NWD2: variants seen among roughly 807,000 people sequenced by gnomAD.
NWD2 encodes the protein NACHT and WD repeat domain containing 2, also known as NACHT and WD repeat domain-containing protein 2.
NWD2 carries 37 observed loss-of-function variants against 132.7 expected under a neutral mutation model. The ratio of observed to expected loss-of-function variants is 0.28; its 90% CI spans 0.21 to 0.37. NWD2 has a LOEUF of 0.37. Among genes scored for constraint, NWD2 ranks in the 10% least tolerant of loss-of-function variants. The probability of loss-of-function intolerance (pLI) is 1.00; values close to 1 mark genes in which losing one functional copy is unlikely to be tolerated. For missense variants in NWD2, 1,592 were observed against 2,122.4 expected, an observed-to-expected ratio of 0.75 and a Z score of 4.91; for synonymous variants, 705 against 803.0, an observed-to-expected ratio of 0.88 and a Z score of 2.06.
Position 37,415,034 on chromosome 4 carries a change from A to G in NWD2, c.358-15538A>G, listed in dbSNP as rs909608148. On this transcript the variant is annotated intron_variant, in intron 3 of 6. Transcript: ENST00000309447. ...ATTAATAAAAGTTAAACTACATTCA[A>G]TGTCCTTTATTTAAGACATATATTG... Among the ~76,000 whole-genome samples the G allele has an allele frequency of 3.3e-5, 5 of 152,204 alleles. 1 individual carries two copies. Among genetic ancestry groups the G allele is most frequent in the Admixed American group, 2.0e-4 (3 of 15,282 alleles).
At chr4:37,365,335 G>A (rs904149036) in intron 3 of NWD2, among the ~76,000 whole-genome samples, 1 of 152,108 alleles carries the variant, frequency 6.6e-6, no homozygotes, top group South Asian at 2.1e-4. Flanking sequence ...TTAAAGTGCA[G>A]GGGGGTTTGT....
chr4:37,342,860 C>T (rs1719555627), intron 2 of NWD2, among the ~76,000 whole-genome samples: 1 of 152,214 alleles, frequency 6.6e-6, no homozygotes, highest in Non-Finnish European at 1.5e-5. Context: ...CTCCTTCTTT[C>T]TAGTGATCGT....
chr4:37,366,080 T>G (rs2109303946), intron 3 of NWD2, among the ~76,000 whole-genome samples: 1 of 152,308 alleles, frequency 6.6e-6, no homozygotes, highest in South Asian at 2.1e-4. Flanking sequence ...CTTGGTAAGC[T>G]GGCTTTACAG....
chr4:37,445,916 T>C lies in NWD2; in HGVS notation c.3928T>C (p.Ser1310Pro). The change falls in exon 7 of 7, where the codon TCC becomes CCC. Residue 1310 changes from serine (S) to proline (P), a missense_variant. Ser to Pro is a moderately conservative substitution (Grantham distance 74, BLOSUM62 -1). Coordinates refer to ENST00000309447, the MANE Select transcript of NWD2 (RefSeq NM_001144990.2). This position sits in a 1 kb window ranked among gnomAD's most constrained non-coding sequence, Gnocchi z 4.7. ...GGACATAGATATAATCACAGCTATG[T>C]CCAACATAGATAAGACTGGAAAACC... ...IWDIDIITAM[S>P]NIDKTGKPIQ... 6.4e-7 allele frequency: 1 copy of C among 1,551,816 alleles called. No homozygotes were observed. Among genetic ancestry groups the C allele is most frequent in the Non-Finnish European group, 8.7e-7 (1 of 1,147,022 alleles).
intron 1 of NWD2, among the ~76,000 whole-genome samples, chr4:37,285,914 T>C (rs561073898): frequency 6.6e-6 from 1 of 152,320 alleles, no homozygotes; most frequent in South Asian, 2.1e-4. Flanking sequence ...AGAATTTCAG[T>C]CTGATTTTTG....
Position 37,444,971 on chromosome 4 carries a change from G to A in NWD2, c.2983G>A (p.Asp995Asn). 1 of 1,552,082 alleles carries A rather than the reference G, an allele frequency of 6.4e-7. No individual in the cohort carries two copies. The highest frequency in any genetic ancestry group is 8.7e-7 in the Non-Finnish European group (1 of 1,147,084). Reference protein sequence around the residue: ...ALENGSISTWDVETRQLLRQI... With the variant: ...ALENGSISTWNVETRQLLRQI... ...AGAAAATGGTTCCATCAGCACCTGG[G>A]ATGTAGAGACTCGACAGCTACTCAG... is the stretch of plus-strand genomic sequence containing the variant. The change falls in exon 7 of 7, where the codon GAT becomes AAT. Residue 995 changes from aspartate (D) to asparagine (N), a missense_variant. Asp to Asn is a conservative substitution (Grantham distance 23). Around this residue, in one of 7 missense-constraint regions of NWD2, gnomAD observed 1,071 missense variants for 1,398.0 expected, o/e 0.77. Coordinates refer to ENST00000309447, the MANE Select transcript of NWD2 (RefSeq NM_001144990.2). The surrounding 1 kb of genome is among the most constrained non-coding windows in gnomAD (Gnocchi z 4.8).
At chr4:37,353,290 T>G (rs1056899555) in intron 2 of NWD2, among the ~76,000 whole-genome samples, 2 of 152,204 alleles carry the variant, frequency 1.3e-5, no homozygotes, top group African/African-American at 4.8e-5. Flanking sequence ...TTTCCTTCAT[T>G]TCAACCTTGG....
At chr4:37,288,470 A>C (rs1344925010) in intron 1 of NWD2, among the ~76,000 whole-genome samples, 1 of 152,230 alleles carries the variant, frequency 6.6e-6, no homozygotes, top group African/African-American at 2.4e-5. Flanking sequence ...TGAATACAGC[A>C]AGAGGGAGAA....
intron 3 of NWD2, among the ~76,000 whole-genome samples, chr4:37,412,195 G>T (rs1230342921): frequency 6.6e-6 from 1 of 152,156 alleles, no homozygotes; most frequent in Non-Finnish European, 1.5e-5. Flanking sequence ...AAGTCAAATT[G>T]TCTCTGTTTG....
intron 2 of NWD2, among the ~76,000 whole-genome samples, chr4:37,349,971 T>C (rs1183906363): frequency 6.6e-6 from 1 of 152,108 alleles, no homozygotes; most frequent in Non-Finnish European, 1.5e-5. Context: ...GTTTTTGTCA[T>C]GTTTGTCAAA....
chr4:37,256,484 A>G (rs1717521471), intron 1 of NWD2, among the ~76,000 whole-genome samples: 1 of 152,204 alleles, frequency 6.6e-6, no homozygotes, highest in Non-Finnish European at 1.5e-5. Context: ...TGCTAAGCAA[A>G]GAGTAGCTTC....
At chr4:37,329,065 C>A (rs1423288233) in intron 2 of NWD2, among the ~76,000 whole-genome samples, 2 of 152,056 alleles carry the variant, frequency 1.3e-5, no homozygotes, top group East Asian at 3.9e-4. Context: ...GAATGAAGAC[C>A]CAGCCCAGAT....
At chr4:37,371,075 T>TTC (rs1553896083) in intron 3 of NWD2, among the ~76,000 whole-genome samples, 10 of 100,676 alleles carry the variant, frequency 9.9e-5, no homozygotes, top group Non-Finnish European at 1.7e-4. Flanking sequence ...TTTTTTTCTT[T>TTC]TTCTTTTTTT....
intron 1 of NWD2, among the ~76,000 whole-genome samples, chr4:37,274,896 A>T (rs1717972513): frequency 2.5e-5 from 1 of 39,866 alleles, no homozygotes; most frequent in South Asian, 4.6e-4. Context: ...TCATGCTAAA[A>T]ACTCAATAAA....
Position 37,413,710 on chromosome 4 carries a change from T to C in NWD2, c.358-16862T>C, listed in dbSNP as rs185683899. Among the ~76,000 whole-genome samples, 50 of 152,254 alleles carry C rather than the reference T, an allele frequency of 3.3e-4. 1 individual carries two copies. Among genetic ancestry groups the C allele is most frequent in the Admixed American group, 2.9e-3 (44 of 15,294 alleles). Reference sequence around the variant, plus strand: ...GGTGTGGTTCACAATAGCAAAGACTTGGAATCAACCCAAATGTTCATCAAT... The same window carrying C: ...GGTGTGGTTCACAATAGCAAAGACTCGGAATCAACCCAAATGTTCATCAAT... On this transcript the variant is annotated intron_variant, in intron 3 of 6. Transcript: ENST00000309447.
At chr4:37,378,349 A>G (rs1720389022) in intron 3 of NWD2, among the ~76,000 whole-genome samples, 1 of 152,238 alleles carries the variant, frequency 6.6e-6, no homozygotes, top group South Asian at 2.1e-4. Flanking sequence ...GCTTCCTCGA[A>G]GAGAAAATGA....
chr4:37,328,950 C>T lies in NWD2; in HGVS notation c.240+2926C>T, dbSNP rs540466133. 3.9e-3 allele frequency among the ~76,000 whole-genome samples: 594 copies of T among 151,888 alleles called. 5 individuals are homozygous for T. The highest frequency in any genetic ancestry group is 0.014 in the African/African-American group (560 of 41,394). On this transcript the variant is annotated intron_variant, in intron 2 of 6. Coordinates refer to ENST00000309447, the MANE Select transcript of NWD2 (RefSeq NM_001144990.2). ...AAAAGCAGAGGCTTGTCTGTTTTTA[C>T]GGAATTTCAAGACAGCTGCATTCCT...
rs905378803 is a variant in NWD2, at chr4:37,439,402, T to G, written c.1296+12T>G. The G allele has an allele frequency of 7.1e-7, 1 of 1,406,840 alleles. No homozygotes were observed. The highest frequency in any genetic ancestry group is 1.5e-5 in the African/African-American group (1 of 68,874). 87.1% of individuals were successfully genotyped at this position (1,406,840 alleles called of 1,614,324 possible). ...AAGTAGCAAAGAAGGTAAAAGCCTA[T>G]TCTTTCCCGTGTATATTTGTAAAAA... On this transcript the variant is annotated intron_variant, in intron 6 of 6. Transcript: ENST00000309447. The surrounding 1 kb of genome is among the most constrained non-coding windows in gnomAD (Gnocchi z 4.5).
At chr4:37,245,280 A>G (rs2109252456) in intron 1 of NWD2, 62 bp downstream of exon 1, 2 of 1,477,978 alleles carry the variant, frequency 1.4e-6, no homozygotes, top group East Asian at 2.5e-5. Flanking sequence ...CGGGAGCTGG[A>G]GAGTGTGTGT....
Sources: allele counts gnomAD v4.1 joint callset (sites outside exome capture counted in the v4.1 genomes callset), GRCh38; gene constraint gnomAD v4.1.1; regional missense constraint gnomAD v4.1.1; non-coding constraint Gnocchi (gnomAD v3.1); transcripts MANE v1.5; gene names NCBI Gene and HGNC (gene_info 2026-07-23, HGNC 2026-07-21).